ACADL: variants seen among roughly 807,000 people sequenced by gnomAD.
ACADL encodes acyl-CoA dehydrogenase long chain.
ACADL carries 60 observed loss-of-function variants against 56.9 expected under a neutral mutation model. That is an observed-to-expected ratio of 1.05 (90% CI 0.86 to 1.31). The LOEUF is 1.31. Ranked by LOEUF, ACADL falls within the 50% of genes most tolerant of loss-of-function variation. The pLI is 0.00. For missense variants in ACADL, 484 were observed against 525.5 expected (o/e 0.92, Z 0.77); for synonymous variants, 158 against 179.7 (o/e 0.88, Z 0.97).
intron 4 of ACADL, among the ~76,000 whole-genome samples, chr2:210,216,053 G>A (rs1389459512): frequency 1.3e-5 from 2 of 152,164 alleles, no homozygotes; most frequent in Non-Finnish European, 2.9e-5. Flanking sequence ...ATATACCTCT[G>A]TAACAAACTG....
intron 8 of ACADL, among the ~76,000 whole-genome samples, chr2:210,202,068 T>C (rs1688802060): frequency 6.6e-6 from 1 of 152,118 alleles, no homozygotes; most frequent in East Asian, 1.9e-4. Flanking sequence ...TTTCAAGGAC[T>C]TTCTCTATTG....
intron 5 of ACADL, among the ~76,000 whole-genome samples, chr2:210,207,566 G>C (rs1371895721): frequency 6.6e-6 from 1 of 152,076 alleles, no homozygotes; most frequent in Non-Finnish European, 1.5e-5. Context: ...CATCAGATTG[G>C]CCAAAAGGTC....
At chr2:210,217,500 G>A (rs181352087) in intron 3 of ACADL, 130 of 161,286 alleles carry the variant, frequency 8.1e-4, no homozygotes, top group Admixed American at 1.3e-3. Flanking sequence ...GCATTTGATT[G>A]TTACTAAGGA....
At position 210,216,349 on chromosome 2, in the gene ACADL, T is replaced by C. The variant is rs149601791; in HGVS notation, c.534A>G (p.Gly178=). ...GAIAMTEPGA[G]SDLQGIKTNA... is the part of the protein sequence containing the mutation. ...AAGCCAACTAAATATTAACTTACCT[T>C]CCAGCTCCAGGCTCTGTCATTGCTA... is the stretch of plus-strand genomic sequence containing the variant. The change falls in exon 4 of 11, where the codon GGA becomes GGG. Residue 178 remains glycine, a splice_region_variant and synonymous_variant. Coordinates refer to ENST00000233710, the MANE Select transcript of ACADL (RefSeq NM_001608.4). The C allele has an allele frequency of 2.2e-5, 36 of 1,613,438 alleles. No homozygotes were observed. Among genetic ancestry groups the C allele is most frequent in the Non-Finnish European group, 3.1e-5 (36 of 1,179,712 alleles).
At chr2:210,209,164 A>G (rs545249042) in intron 5 of ACADL, among the ~76,000 whole-genome samples, 1 of 152,362 alleles carries the variant, frequency 6.6e-6, no homozygotes, top group South Asian at 2.1e-4. Context: ...CAGTGATTCA[A>G]TTTTGTAAAT....
intron 8 of ACADL, among the ~76,000 whole-genome samples, chr2:210,202,124 T>C (rs1237339128): frequency 6.6e-6 from 1 of 152,192 alleles, no homozygotes; most frequent in Middle Eastern, 3.2e-3. Flanking sequence ...AGTCTTGTTC[T>C]GTAGCCCAGG....
At chr2:210,222,321 G>A (rs1350794887) in intron 1 of ACADL, among the ~76,000 whole-genome samples, 2 of 152,032 alleles carry the variant, frequency 1.3e-5, no homozygotes, top group Admixed American at 6.6e-5. Context: ...GGGATCAGGA[G>A]TATGTGCCTG....
At chr2:210,196,179 A>C (rs942020619) in intron 8 of ACADL, among the ~76,000 whole-genome samples, 1 of 152,034 alleles carries the variant, frequency 6.6e-6, no homozygotes, top group Non-Finnish European at 1.5e-5. Flanking sequence ...GCTACCATGT[A>C]AGATGTGCTG....
chr2:210,209,921 C>A, intron 5 of ACADL: 1 of 348,384 alleles, frequency 2.9e-6, no homozygotes, highest in Non-Finnish European at 5.3e-6. Context: ...CAATGTGAGC[C>A]TCACCTTGTC....
chr2:210,210,254 T>C lies in ACADL; in HGVS notation c.545A>G (p.Gln182Arg), dbSNP rs1227627828. 5 of 1,606,098 alleles carry C rather than the reference T, an allele frequency of 3.1e-6. No homozygotes were observed. Among genetic ancestry groups the C allele is most frequent in the Admixed American group, 1.7e-5 (1 of 59,890 alleles). ...MTEPGAGSDL[Q>R]GIKTNAKKDG... ...CTTTTTAGCATTTGTTTTTATTCCC[T>C]GTAAGTCACTGTAATTGAAAGAAAA... is the stretch of plus-strand genomic sequence containing the variant. Residue 182 changes from glutamine (Q) to arginine (R), a missense_variant, in exon 5 of 11, where the codon CAG becomes CGG. Gln to Arg is a conservative substitution (Grantham distance 43). Coordinates refer to ENST00000233710, the MANE Select transcript of ACADL (RefSeq NM_001608.4).
chr2:210,211,541 T>C (rs1688979233), intron 4 of ACADL, among the ~76,000 whole-genome samples: 1 of 152,084 alleles, frequency 6.6e-6, no homozygotes, highest in Non-Finnish European at 1.5e-5. Context: ...CTTGTGACAG[T>C]GAGTTACTTA....
chr2:210,214,329 C>T (rs1185303648), intron 4 of ACADL, among the ~76,000 whole-genome samples: 1 of 151,980 alleles, frequency 6.6e-6, no homozygotes, highest in Non-Finnish European at 1.5e-5. Flanking sequence ...TCCGTAATTC[C>T]TCAACACTCT....
At position 210,225,233 on chromosome 2, in the gene ACADL, G is replaced by T. The variant is rs781764943; in HGVS notation, c.31C>A (p.Arg11Ser). 1 of 1,555,538 alleles carries T rather than the reference G, an allele frequency of 6.4e-7. No individual in the cohort carries two copies. MAARLLRGSL[R>S]VLGGHRAPRQ... ...GGCGCACGGTGGCCGCCCAGGACGCGTAGGGACCCTCGGAGAAGGCGTGCG... is the reference window on the plus strand; with the variant it reads ...GGCGCACGGTGGCCGCCCAGGACGCTTAGGGACCCTCGGAGAAGGCGTGCG... The change falls in exon 1 of 11, where the codon CGC becomes AGC. Residue 11 changes from arginine to serine, a missense_variant. Physicochemically the swap from Arg to Ser is moderately radical, Grantham distance 110. Coordinates refer to ENST00000233710, the MANE Select transcript of ACADL (RefSeq NM_001608.4).
chr2:210,220,820 G>A lies in ACADL; in HGVS notation c.78-18C>T. ...GAGAACATCTTAAAAATATATATATGCAATAGGAAAAGTAAGTGAATTGTT... is the reference window on the plus strand; with the variant it reads ...GAGAACATCTTAAAAATATATATATACAATAGGAAAAGTAAGTGAATTGTT... On this transcript the variant is annotated intron_variant, in intron 1 of 10. Transcript: ENST00000233710. 2 of 1,562,860 alleles carry A rather than the reference G, an allele frequency of 1.3e-6. No homozygotes were observed. The highest frequency in any genetic ancestry group is 1.7e-6 in the Non-Finnish European group (2 of 1,147,548).
rs1032848955 is a variant in ACADL at position 210,225,358 on chromosome 2, G to A, written c.-95C>T. 11 of 1,383,008 alleles carry A rather than the reference G, an allele frequency of 8.0e-6. No individual in the cohort carries two copies. Among genetic ancestry groups the A allele is most frequent in the Non-Finnish European group, 1.1e-5 (11 of 1,017,750 alleles). The allele number at this position is 1,383,008 out of a possible 1,614,324, so 85.7% of individuals were successfully genotyped here. A position where few individuals can be genotyped will look rare whatever the true frequency, so the allele number is the denominator to read the frequency against. On this transcript the variant is annotated 5_prime_UTR_variant, in exon 1 of 11. Coordinates refer to ENST00000233710, the MANE Select transcript of ACADL (RefSeq NM_001608.4). ...CCCGGGAGGGAGGACGATCAGCTGA[G>A]GCGTCCACCTGTGGTGTCCTCCCAA...
At position 210,218,017 on chromosome 2, in the gene ACADL, G is replaced by A; in HGVS notation, c.319C>T (p.Leu107Phe). Reference protein sequence around the residue: ...GLLGVNIAEHLGGIGGDLYSA... With the variant: ...GLLGVNIAEHFGGIGGDLYSA... ...TACAGATCCCCTCCAATTCCACCAA[G>A]ATGCTCTGCAATATTGACACCAAGC... Residue 107 changes from leucine (L) to phenylalanine (F), a missense_variant, in exon 3 of 11, where the codon CTT (leucine) becomes TTT (phenylalanine). Transcript: ENST00000233710. 1.2e-6 allele frequency: 2 copies of A among 1,613,950 alleles called. No individual in the cohort carries two copies. Among genetic ancestry groups the A allele is most frequent in the Non-Finnish European group, 1.7e-6 (2 of 1,179,998 alleles).
At chr2:210,224,764 C>T (rs1413098194) in intron 1 of ACADL, 3 of 989,542 alleles carry the variant, frequency 3.0e-6, no homozygotes, top group Non-Finnish European at 3.6e-6. Context: ...TGGGGAACGC[C>T]GGGTTCACAG....
intron 1 of ACADL, among the ~76,000 whole-genome samples, chr2:210,223,398 A>T (rs1689209400): frequency 6.6e-6 from 1 of 152,194 alleles, no homozygotes; most frequent in African/African-American, 2.4e-5. Context: ...AATCTCCACC[A>T]GCACCTTCCA....
In ACADL at chr2:210,220,713, T is replaced by C; in HGVS notation, c.167A>G (p.Glu56Gly). 1 of 1,613,544 alleles carries C rather than the reference T, an allele frequency of 6.2e-7. No homozygotes were observed. The highest frequency in any genetic ancestry group is 8.5e-7 in the Non-Finnish European group (1 of 1,179,734). The part of the protein sequence containing the change: ...DIGIRRIFSP[E>G]HDIFRKSVRK... ...TACACTTTTCCGGAAAATGTCATGC[T>C]CTGGAGAAAAGATTCTTCGAATTCC... Residue 56 changes from glutamate (E) to glycine (G), a missense_variant, in exon 2 of 11, where the codon GAG becomes GGG. Coordinates refer to ENST00000233710, the MANE Select transcript of ACADL (RefSeq NM_001608.4).
Sources: allele counts gnomAD v4.1 joint callset (sites outside exome capture counted in the v4.1 genomes callset), GRCh38; gene constraint gnomAD v4.1.1; transcripts MANE v1.5; gene names NCBI Gene and HGNC (gene_info 2026-07-23, HGNC 2026-07-21).